PITPNM3: variants seen among roughly 807,000 people sequenced by gnomAD.
The protein encoded by PITPNM3 is PITPNM family member 3.
A neutral mutation model predicts 102.0 loss-of-function variants in PITPNM3; 26 were observed. The ratio of observed to expected loss-of-function variants is 0.25; its 90% CI spans 0.19 to 0.35. The LOEUF (loss-of-function observed/expected upper bound fraction) is 0.35. Ranked by LOEUF, PITPNM3 falls within the 10% of genes least tolerant of loss-of-function variation. PITPNM3 has a pLI of 1.00. For synonymous variants in PITPNM3, 578 were observed against 558.6 expected, an observed-to-expected ratio of 1.03 and a Z score of -0.49; for missense variants, 1,083 against 1,346.1, an observed-to-expected ratio of 0.80 and a Z score of 3.06.
intron 2 of PITPNM3, among the ~76,000 whole-genome samples, chr17:6,534,739 C>T (rs192431385): frequency 1.3e-5 from 2 of 152,034 alleles, no homozygotes; most frequent in East Asian, 1.9e-4. Context: ...CCAGTGTAGA[C>T]GCCGCTTGGT....
At position 6,477,039 on chromosome 17, in the gene PITPNM3, A is replaced by C. The variant is rs775232940; in HGVS notation, c.1075T>G (p.Phe359Val). The C allele has an allele frequency of 6.2e-7, 1 of 1,614,088 alleles. No individual in the cohort carries two copies. The highest frequency in any genetic ancestry group is 8.5e-7 in the Non-Finnish European group (1 of 1,180,010). ...DCEAITQHHA[F>V]LSSIHSSVLK... is the part of the protein sequence containing the mutation. ...ACAGGGAGGGGCTACCTTGAGAGGA[A>C]GGCATGGTGCTGGGTGATGGCCTCG... The change falls in exon 9 of 20, where the codon TTC (phenylalanine) becomes GTC (valine). Residue 359 changes from phenylalanine (F) to valine (V), a missense_variant. Phe to Val is a conservative substitution (Grantham distance 50, BLOSUM62 -1). Around this residue, in one of 5 missense-constraint regions of PITPNM3, gnomAD observed 172 missense variants for 175.6 expected, o/e 0.98. Coordinates refer to ENST00000262483, the MANE Select transcript of PITPNM3 (RefSeq NM_031220.4).
rs1441392512 is a variant in PITPNM3, at chr17:6,451,729, C to A, written c.*3609G>T. On this transcript the variant is annotated 3_prime_UTR_variant, in exon 20 of 20. Transcript: ENST00000262483. The stretch of plus-strand genomic sequence containing the variant: ...TAGTGTCTCAACAAGGAGAGCAGAG[C>A]CCAGGTCAGGCCTCACTGCTTGGAC... The A allele has an allele frequency of 1.3e-5, 2 of 152,180 alleles. No individual in the cohort carries two copies. Among genetic ancestry groups the A allele is most frequent in the African/African-American group, 4.8e-5 (2 of 41,412 alleles). The allele number at this position is 152,180 out of a possible 1,614,324, so 9.4% of individuals were successfully genotyped here. A position where few individuals can be genotyped will look rare whatever the true frequency, so the allele number is the denominator to read the frequency against.
At position 6,537,919 on chromosome 17, in the gene PITPNM3, T is replaced by C. The variant is rs1461948295; in HGVS notation, c.118+68A>G. On this transcript the variant is annotated intron_variant, in intron 2 of 19. Transcript: ENST00000262483. This position sits in a 1 kb window ranked among gnomAD's most constrained non-coding sequence, Gnocchi z 4.4. The stretch of plus-strand genomic sequence containing the variant: ...GTGGGGAGGGATGCGGACCCCCAAA[T>C]GGGATCTTCTTCTTGAGGCTTCTAG... 2 of 1,346,220 alleles carry C rather than the reference T, an allele frequency of 1.5e-6. No homozygotes were observed. Among genetic ancestry groups the C allele is most frequent in the Non-Finnish European group, 2.1e-6 (2 of 945,506 alleles). 83.4% of individuals were successfully genotyped at this position (1,346,220 alleles called of 1,614,324 possible). A position where few individuals can be genotyped will look rare whatever the true frequency, so the allele number is the denominator to read the frequency against.
intron 4 of PITPNM3, among the ~76,000 whole-genome samples, chr17:6,498,894 T>C (rs1907000222): frequency 6.6e-6 from 1 of 152,026 alleles, no homozygotes; most frequent in African/African-American, 2.4e-5. Flanking sequence ...AAATGGTCAC[T>C]GTGCTAACTA....
At position 6,529,654 on chromosome 17, in the gene PITPNM3, C is replaced by T. The variant is rs146628398; in HGVS notation, c.119-4191G>A. Among the ~76,000 whole-genome samples, 8 of 152,194 alleles carry T rather than the reference C, an allele frequency of 5.3e-5. No homozygotes were observed. In the South Asian group the frequency reaches 6.2e-4, roughly 12 times the overall value. On this transcript the variant is annotated intron_variant, in intron 2 of 19. Coordinates refer to ENST00000262483, the MANE Select transcript of PITPNM3 (RefSeq NM_031220.4). ...AAGCTTCACCTCCAGCTCATGGAGC[C>T]GAGGGCTTGGTCACATTCTGCAGAT...
chr17:6,512,081 G>A (rs1052524785), intron 3 of PITPNM3, among the ~76,000 whole-genome samples: 1 of 152,172 alleles, frequency 6.6e-6, no homozygotes, highest in African/African-American at 2.4e-5. Context: ...AGGTGTCTTG[G>A]TCCTCCCCCA....
chr17:6,477,018 G>A lies in PITPNM3; in HGVS notation c.1085+11C>T, dbSNP rs1202248413. 2 of 1,613,910 alleles carry A rather than the reference G, an allele frequency of 1.2e-6. No homozygotes were observed. The highest frequency in any genetic ancestry group is 2.2e-5 in the South Asian group (2 of 91,018). On this transcript the variant is annotated intron_variant, in intron 9 of 19. Coordinates refer to ENST00000262483, the MANE Select transcript of PITPNM3 (RefSeq NM_031220.4). Reference sequence around the variant, plus strand: ...CCAAGGTCTTCTTGCTTCTGGACAGGGAGGGGCTACCTTGAGAGGAAGGCA... The same window carrying A: ...CCAAGGTCTTCTTGCTTCTGGACAGAGAGGGGCTACCTTGAGAGGAAGGCA...
intron 6 of PITPNM3, among the ~76,000 whole-genome samples, chr17:6,482,171 CAGA>C (rs1291878681): frequency 1.3e-5 from 2 of 151,818 alleles, no homozygotes; most frequent in African/African-American, 4.8e-5. Context: ...ACCCTCATTT[CAGA>C]AGGAGTCCTG....
intron 1 of PITPNM3, among the ~76,000 whole-genome samples, chr17:6,551,758 T>A (rs1910318292): frequency 6.6e-6 from 1 of 152,010 alleles, no homozygotes; most frequent in Non-Finnish European, 1.5e-5. Context: ...TAATCTGCGC[T>A]AGTCCCCTTT....
At chr17:6,497,688 T>C (rs1252119599) in intron 4 of PITPNM3, among the ~76,000 whole-genome samples, 1 of 152,218 alleles carries the variant, frequency 6.6e-6, no homozygotes, top group African/African-American at 2.4e-5. Context: ...CCCCTGCAGC[T>C]GATGCCAGGC....
In PITPNM3 at chr17:6,461,357, C is replaced by A. The variant is rs1295144722; in HGVS notation, c.2490+16G>T. The A allele has an allele frequency of 6.2e-7, 1 of 1,613,328 alleles. No homozygotes were observed. Among genetic ancestry groups the A allele is most frequent in the East Asian group, 2.2e-5 (1 of 44,876 alleles). ...CTCTCAAGCCATGGAGTCCCCACCC[C>A]AGGATGGCCACTCACCTCCTGCATG... On this transcript the variant is annotated intron_variant, in intron 18 of 19. Coordinates refer to ENST00000262483, the MANE Select transcript of PITPNM3 (RefSeq NM_031220.4).
At chr17:6,501,328 A>G (rs1907161202) in intron 4 of PITPNM3, among the ~76,000 whole-genome samples, 1 of 152,172 alleles carries the variant, frequency 6.6e-6, no homozygotes, top group Non-Finnish European at 1.5e-5. Context: ...GCTGGCCAGG[A>G]AGAGACTGCC....
At chr17:6,528,480 ATG>A (rs773761411) in intron 2 of PITPNM3, among the ~76,000 whole-genome samples, 16 of 151,602 alleles carry the variant, frequency 1.1e-4, no homozygotes, top group African/African-American at 2.9e-4. Flanking sequence ...GTGTGCATGC[ATG>A]TGTGTGCATG....
intron 5 of PITPNM3, 82 bp from the exon 6 acceptor site, chr17:6,483,834 C>T (rs557882766): frequency 1.8e-4 from 209 of 1,168,374 alleles, no homozygotes; most frequent in East Asian, 1.6e-3. Flanking sequence ...CACACATGTG[C>T]GCATACACAC....
In PITPNM3 at chr17:6,484,120, G is replaced by T. The variant is rs1303962089; in HGVS notation, c.351+96C>A. 4.5e-6 allele frequency: 6 copies of T among 1,344,282 alleles called. No homozygotes were observed. In the East Asian group the frequency reaches 1.4e-4, roughly 31 times the overall value. 83.3% of individuals were successfully genotyped at this position (1,344,282 alleles called of 1,614,324 possible). On this transcript the variant is annotated intron_variant, in intron 5 of 19. Coordinates refer to ENST00000262483, the MANE Select transcript of PITPNM3 (RefSeq NM_031220.4). ...AGGGTCACACAGCAAGTCAGACGAA[G>T]AGCTGGAAGAAAACGAGGCCGCCTA...
chr17:6,469,903 G>A lies in PITPNM3; in HGVS notation c.1773+357C>T, dbSNP rs560597949. Among the ~76,000 whole-genome samples, 95 of 152,228 alleles carry A rather than the reference G, an allele frequency of 6.2e-4. No homozygotes were observed. The highest frequency in any genetic ancestry group is 2.1e-3 in the African/African-American group (88 of 41,528). On this transcript the variant is annotated intron_variant, in intron 13 of 19. Transcript: ENST00000262483. The surrounding 1 kb of genome is among the most constrained non-coding windows in gnomAD (Gnocchi z 4.0). Reference sequence around the variant, plus strand: ...CCCACCAGGCTCTCCTTCTGGCGCCGGCCTTTCTGCTATACCTTCTGTTTT... The same window carrying A: ...CCCACCAGGCTCTCCTTCTGGCGCCAGCCTTTCTGCTATACCTTCTGTTTT...
At position 6,520,980 on chromosome 17, in the gene PITPNM3, G is replaced by C. The variant is rs1019637246; in HGVS notation, c.226+4376C>G. ...GTAGAATGATGTTTACCAAGGGCTG[G>C]GGAAAGGAAAATGGGGAGTTGGTGT... On this transcript the variant is annotated intron_variant, in intron 3 of 19. Transcript: ENST00000262483. 3.9e-5 allele frequency among the ~76,000 whole-genome samples: 6 copies of C among 152,338 alleles called. No homozygotes were observed. The East Asian group carries it at 1.2e-3, about 29-fold the overall frequency.
chr17:6,554,633 A>G (rs2150687758), intron 1 of PITPNM3, among the ~76,000 whole-genome samples: 1 of 152,294 alleles, frequency 6.6e-6, no homozygotes, highest in East Asian at 1.9e-4. Context: ...GGACCAAAGG[A>G]CCCACAGGCT....
rs745343286 is a variant in PITPNM3, at chr17:6,470,249, G to A, written c.1773+11C>T. 82 of 1,597,104 alleles carry A rather than the reference G, an allele frequency of 5.1e-5. No individual in the cohort carries two copies. Among genetic ancestry groups the A allele is most frequent in the South Asian group, 3.3e-4 (29 of 89,050 alleles). On this transcript the variant is annotated intron_variant, in intron 13 of 19. Transcript: ENST00000262483. This position sits in a 1 kb window ranked among gnomAD's most constrained non-coding sequence, Gnocchi z 4.8. ...TGGCTGTGGGCAGGCCCGCGACTGCGGCAGCAGTACCTGTCTCAGGATGAA... is the reference window on the plus strand; with the variant it reads ...TGGCTGTGGGCAGGCCCGCGACTGCAGCAGCAGTACCTGTCTCAGGATGAA...
Sources: allele counts gnomAD v4.1 joint callset (sites outside exome capture counted in the v4.1 genomes callset), GRCh38; gene constraint gnomAD v4.1.1; regional missense constraint gnomAD v4.1.1; non-coding constraint Gnocchi (gnomAD v3.1); transcripts MANE v1.5; gene names NCBI Gene and HGNC (gene_info 2026-07-23, HGNC 2026-07-21).